The following ZNF589 variants were observed in gnomAD, a reference collection of about 807,000 sequenced individuals.
ZNF589 encodes the protein zinc finger protein 589, also known as KRAB-zinc finger protein SZF1-1.
Under a neutral mutation model 13.6 loss-of-function variants are expected in ZNF589, and 17 were observed. The observed-to-expected ratio is 1.25, with a 90% CI of 0.86 to 1.88. The LOEUF is 1.88. Among genes scored for constraint, ZNF589 ranks in the 40% most tolerant of loss-of-function variants. The pLI, the probability that ZNF589 is intolerant of heterozygous loss-of-function variation, is 0.00. For missense variants in ZNF589, 407 were observed against 434.0 expected (o/e 0.94, Z 0.55); for synonymous variants, 148 against 161.6 (o/e 0.92, Z 0.64).
chr3:48,241,198 G>A lies in ZNF589; in HGVS notation c.27G>A (p.Leu9=), dbSNP rs746187469. Residue 9 remains leucine (L), a synonymous_variant, in exon 1 of 4, where the codon CTG becomes CTA. Coordinates refer to ENST00000354698, the MANE Select transcript of ZNF589 (RefSeq NM_016089.3). The part of the protein sequence containing the change: MWAPREQL[L]GWTAEALPAK... ...TGTGGGCCCCGCGGGAGCAGCTACTGGGCTGGACTGCGGAAGGTGAGTCGG... is the reference window on the plus strand; with the variant it reads ...TGTGGGCCCCGCGGGAGCAGCTACTAGGCTGGACTGCGGAAGGTGAGTCGG... The A allele has an allele frequency of 1.9e-6, 3 of 1,613,278 alleles. No homozygotes were observed. The East Asian group carries it at 6.7e-5, about 36-fold the overall frequency.
intron 2 of ZNF589, among the ~76,000 whole-genome samples, chr3:48,250,981 C>T (rs887765912): frequency 2.6e-5 from 4 of 152,050 alleles, no homozygotes; most frequent in African/African-American, 7.3e-5. Flanking sequence ...AAGTTCCTGA[C>T]CTCAAGGTAA....
rs917338349 is a variant in ZNF589, at chr3:48,241,318, G to T, written c.43+104G>T. 23 of 1,436,454 alleles carry T rather than the reference G, an allele frequency of 1.6e-5. No homozygotes were observed. The African/African-American group carries it at 2.2e-4, about 14-fold the overall frequency. 89.0% of individuals were successfully genotyped at this position (1,436,454 alleles called of 1,614,324 possible). A position where few individuals can be genotyped will look rare whatever the true frequency, so the allele number is the denominator to read the frequency against. ...CAGGGATGCGCGTGGGGTGCGAGCT[G>T]TGTGAGGCGCTGACTACCCCTACAG... On this transcript the variant is annotated intron_variant, in intron 1 of 3. Coordinates refer to ENST00000354698, the MANE Select transcript of ZNF589 (RefSeq NM_016089.3).
intron 1 of ZNF589, 113 bp from the exon 2 acceptor site, chr3:48,247,512 G>T (rs1464073739): frequency 2.6e-5 from 28 of 1,096,800 alleles, no homozygotes; most frequent in Non-Finnish European, 3.5e-5. Flanking sequence ...CTCAGGGTCT[G>T]GGTCAGCTGA....
chr3:48,265,981 G>T (rs1389696193), intron 3 of ZNF589, among the ~76,000 whole-genome samples: 1 of 152,120 alleles, frequency 6.6e-6, no homozygotes, highest in Admixed American at 6.6e-5. Context: ...TTATTTCATA[G>T]ATCGGGAAAT....
chr3:48,243,550 G>C (rs775104201), intron 1 of ZNF589, among the ~76,000 whole-genome samples: 2 of 151,976 alleles, frequency 1.3e-5, no homozygotes, highest in African/African-American at 2.4e-5. Flanking sequence ...GGTGACTCAC[G>C]TTTGTAATCA....
intron 2 of ZNF589, among the ~76,000 whole-genome samples, chr3:48,258,277 C>T (rs1465309790): frequency 3.3e-5 from 5 of 151,824 alleles, no homozygotes; most frequent in Non-Finnish European, 5.9e-5. Context: ...CTCTTTTTTG[C>T]GGGAGTGATT....
At chr3:48,259,055 T>A (rs2033939250) in intron 2 of ZNF589, among the ~76,000 whole-genome samples, 1 of 152,178 alleles carries the variant, frequency 6.6e-6, no homozygotes, top group Non-Finnish European at 1.5e-5. Context: ...AGAACCAGGA[T>A]GTGCCTGAAG....
intron 1 of ZNF589, among the ~76,000 whole-genome samples, chr3:48,243,079 A>T (rs1034866725): frequency 1.3e-5 from 2 of 151,714 alleles, no homozygotes; most frequent in African/African-American, 4.8e-5. Context: ...AAAAAAAAAA[A>T]GGAAATTTGA....
intron 1 of ZNF589, among the ~76,000 whole-genome samples, chr3:48,242,612 G>A (rs2033711196): frequency 6.6e-6 from 1 of 152,092 alleles, no homozygotes; most frequent in African/African-American, 2.4e-5. Context: ...TCTTGCAAAC[G>A]TTTTCTTTTA....
chr3:48,263,839 C>T (rs748867968), intron 3 of ZNF589, among the ~76,000 whole-genome samples: 16 of 152,150 alleles, frequency 1.1e-4, no homozygotes, highest in Non-Finnish European at 1.3e-4. Flanking sequence ...TGAGATGTTA[C>T]AAAATATAGG....
intron 2 of ZNF589, among the ~76,000 whole-genome samples, chr3:48,257,409 G>A (rs564972285): frequency 8.5e-4 from 129 of 152,082 alleles, no homozygotes; most frequent in African/African-American, 2.7e-3. Context: ...ACAGGCGTGT[G>A]CCACCACACC....
chr3:48,269,304 T>C lies in ZNF589; in HGVS notation c.*518T>C, dbSNP rs1186378540. ...TGCGGAGAGTGTGGGCGAGGCTTTA[T>C]AGCTCAGTCAACCCTCCACTACCAC... On this transcript the variant is annotated 3_prime_UTR_variant, in exon 4 of 4. Coordinates refer to ENST00000354698, the MANE Select transcript of ZNF589 (RefSeq NM_016089.3). 2.7e-6 allele frequency: 4 copies of C among 1,499,090 alleles called. No individual in the cohort carries two copies. The highest frequency in any genetic ancestry group is 1.4e-5 in the African/African-American group (1 of 70,604). 92.9% of individuals were successfully genotyped at this position (1,499,090 alleles called of 1,614,324 possible). A position where few individuals can be genotyped will look rare whatever the true frequency, so the allele number is the denominator to read the frequency against.
At chr3:48,267,118 C>T (rs1413478974) in intron 3 of ZNF589, among the ~76,000 whole-genome samples, 1 of 152,168 alleles carries the variant, frequency 6.6e-6, no homozygotes, top group African/African-American at 2.4e-5. Context: ...CCAAGTTCTA[C>T]CAGAAGTGAG....
At chr3:48,247,811 A>G (rs2033786529) in intron 2 of ZNF589, 134 bp downstream of exon 2, 9 of 823,750 alleles carry the variant, frequency 1.1e-5, no homozygotes, top group Non-Finnish European at 1.6e-5. Context: ...CCATTGTTCT[A>G]GGCTTATTAT....
chr3:48,257,405 G>C (rs1418513915), intron 2 of ZNF589, among the ~76,000 whole-genome samples: 2 of 151,886 alleles, frequency 1.3e-5, no homozygotes, highest in Admixed American at 6.6e-5. Context: ...AATTACAGGC[G>C]TGTGCCACCA....
Position 48,269,522 on chromosome 3 carries a change from C to T in ZNF589, c.*736C>T, listed in dbSNP as rs2034066413. On this transcript the variant is annotated 3_prime_UTR_variant, in exon 4 of 4. Transcript: ENST00000354698. Reference sequence around the variant, plus strand: ...CTGGAGGACACACACAGGAGAGAAACCTTACGCATGCATCGAGTGTGGGCG... The same window carrying T: ...CTGGAGGACACACACAGGAGAGAAATCTTACGCATGCATCGAGTGTGGGCG... 2 of 379,042 alleles carry T rather than the reference C, an allele frequency of 5.3e-6. No homozygotes were observed. The highest frequency in any genetic ancestry group is 4.6e-5 in the South Asian group (2 of 43,222). The allele number at this position is 379,042 out of a possible 1,614,324, so 23.5% of individuals were successfully genotyped here. A position where few individuals can be genotyped will look rare whatever the true frequency, so the allele number is the denominator to read the frequency against.
chr3:48,243,133 A>AT (rs1172716368), intron 1 of ZNF589, among the ~76,000 whole-genome samples: 14 of 149,554 alleles, frequency 9.4e-5, no homozygotes, highest in South Asian at 6.4e-4. Flanking sequence ...TCTGTTTCTG[A>AT]TTTTTTTTTC....
chr3:48,263,649 C>T (rs974537780), intron 3 of ZNF589, among the ~76,000 whole-genome samples: 6 of 152,100 alleles, frequency 3.9e-5, no homozygotes, highest in African/African-American at 9.7e-5. Flanking sequence ...ATCCCAGCTA[C>T]GCAGGAGGCT....
chr3:48,253,233 G>A (rs749688342), intron 2 of ZNF589, among the ~76,000 whole-genome samples: 2 of 152,018 alleles, frequency 1.3e-5, no homozygotes, highest in Non-Finnish European at 2.9e-5. Flanking sequence ...CTTTTGCCAC[G>A]TTGGCCAGGC....
Sources: gnomAD v4.1 joint callset for allele counts (sites outside exome capture counted in the v4.1 genomes callset) on GRCh38, gnomAD v4.1.1 for gene constraint, MANE v1.5 for transcripts, NCBI Gene and HGNC (gene_info 2026-07-23, HGNC 2026-07-21) for gene names.